Variants in C3orf52 observed in about 807,000 individuals in gnomAD.
C3orf52 encodes the protein TPA-induced transmembrane protein.
C3orf52 carries 22 observed loss-of-function variants against 24.8 expected under a neutral mutation model. The ratio of observed to expected loss-of-function variants is 0.89; its 90% CI spans 0.63 to 1.27. The LOEUF (loss-of-function observed/expected upper bound fraction) is 1.27. Among genes scored for constraint, C3orf52 ranks in the 50% most tolerant of loss-of-function variants. The pLI is 0.00. For missense variants in C3orf52, 265 were observed against 260.7 expected (o/e 1.02, Z -0.11); for synonymous variants, 93 against 100.2 (o/e 0.93, Z 0.43).
At chr3:112,091,837 T>A (rs2107774659) in intron 1 of C3orf52, among the ~76,000 whole-genome samples, 1 of 152,106 alleles carries the variant, frequency 6.6e-6, no homozygotes, top group East Asian at 1.9e-4. Context: ...ACCCCGTCTC[T>A]ACTAAATATA....
At chr3:112,099,242 G>A (rs1299821448) in intron 2 of C3orf52, among the ~76,000 whole-genome samples, 1 of 152,096 alleles carries the variant, frequency 6.6e-6, no homozygotes, top group Non-Finnish European at 1.5e-5. Flanking sequence ...CCCAGTCTCA[G>A]GTAGTTCTTT....
intron 4 of C3orf52, among the ~76,000 whole-genome samples, chr3:112,110,836 G>C (rs1254977203): frequency 1.3e-5 from 2 of 152,200 alleles, no homozygotes; most frequent in Non-Finnish European, 2.9e-5. Context: ...CAGGTGGTAG[G>C]TAGCACCATG....
downstream of C3orf52, among the ~76,000 whole-genome samples, chr3:112,132,306 G>T (rs2074475621): frequency 6.6e-6 from 1 of 152,036 alleles, no homozygotes; most frequent in Non-Finnish European, 1.5e-5. Flanking sequence ...TGAGACCAGG[G>T]ATTCCAAACA....
chr3:112,090,506 CAT>C (rs1044445198), intron 1 of C3orf52, among the ~76,000 whole-genome samples: 4 of 151,952 alleles, frequency 2.6e-5, no homozygotes, highest in African/African-American at 9.7e-5. Flanking sequence ...TTTATAATGA[CAT>C]AAAGTCTGTG....
At chr3:112,108,777 A>G (rs2074051037) in intron 3 of C3orf52, among the ~76,000 whole-genome samples, 1 of 152,216 alleles carries the variant, frequency 6.6e-6, no homozygotes, top group Non-Finnish European at 1.5e-5. Flanking sequence ...ATATTTTGTT[A>G]TGATTACATA....
downstream of C3orf52, among the ~76,000 whole-genome samples, chr3:112,119,082 G>C (rs538397072): frequency 6.6e-6 from 1 of 152,118 alleles, no homozygotes; most frequent in African/African-American, 2.4e-5. Context: ...AAAATACCCA[G>C]GGGTCAAAAA....
At chr3:112,110,010 G>A (rs1017641716) in intron 4 of C3orf52, among the ~76,000 whole-genome samples, 6 of 152,246 alleles carry the variant, frequency 3.9e-5, no homozygotes, top group Admixed American at 2.6e-4. Context: ...TAATACAGGA[G>A]TACATTCTCC....
At chr3:112,092,525 A>G (rs1298431677) in intron 1 of C3orf52, among the ~76,000 whole-genome samples, 1 of 152,204 alleles carries the variant, frequency 6.6e-6, no homozygotes, top group East Asian at 1.9e-4. Flanking sequence ...CAAAAGGGAA[A>G]GTTGGAGAGC....
intron 1 of C3orf52, among the ~76,000 whole-genome samples, chr3:112,092,599 G>C (rs1251470600): frequency 6.6e-6 from 1 of 152,214 alleles, no homozygotes; most frequent in Non-Finnish European, 1.5e-5. Flanking sequence ...CTTTGAAATG[G>C]ACTAGTGCAC....
chr3:112,100,818 A>G (rs1222062132), intron 2 of C3orf52, among the ~76,000 whole-genome samples: 1 of 152,208 alleles, frequency 6.6e-6, no homozygotes, highest in African/African-American at 2.4e-5. Context: ...TTTGCAAGGA[A>G]TTTTAAGCAC....
downstream of C3orf52, chr3:112,118,304 C>T (rs1331325689): frequency 6.6e-6 from 1 of 152,006 alleles, no homozygotes. Context: ...TTTCATTTCC[C>T]TTAGGGCAGC....
At chr3:112,100,603 T>C (rs894313528) in intron 2 of C3orf52, among the ~76,000 whole-genome samples, 2 of 152,188 alleles carry the variant, frequency 1.3e-5, no homozygotes, top group African/African-American at 4.8e-5. Flanking sequence ...TTAGCAGTTA[T>C]TTGAACCTTG....
At chr3:112,119,525 G>A (rs971368959), downstream of C3orf52, 4 of 702,772 alleles carry the variant, frequency 5.7e-6, no homozygotes, top group African/African-American at 7.0e-5. Flanking sequence ...AAGAAGATTT[G>A]CCTTCCTTTA....
chr3:112,107,290 A>C (rs1337443714), intron 3 of C3orf52, among the ~76,000 whole-genome samples: 1 of 152,194 alleles, frequency 6.6e-6, no homozygotes, highest in Admixed American at 6.5e-5. Flanking sequence ...CTCAATCCAA[A>C]AGGAAGAGAA....
At chr3:112,127,289 G>A (rs576307754) in intron 4 of C3orf52, among the ~76,000 whole-genome samples, 1 of 152,214 alleles carries the variant, frequency 6.6e-6, no homozygotes, top group East Asian at 1.9e-4. Context: ...ATTTATAGAT[G>A]GGGAAATATG....
At chr3:112,131,303 C>T (rs546437414), downstream of C3orf52, among the ~76,000 whole-genome samples, 1 of 152,270 alleles carries the variant, frequency 6.6e-6, no homozygotes, top group East Asian at 1.9e-4. Flanking sequence ...GAGCTCCTCT[C>T]ATGAAGGGAT....
Position 112,086,438 on chromosome 3 carries a change from G to A in C3orf52, c.31G>A (p.Asp11Asn). The A allele has an allele frequency of 1.3e-6, 2 of 1,551,144 alleles. No individual in the cohort carries two copies. Among genetic ancestry groups the A allele is most frequent in the Non-Finnish European group, 1.7e-6 (2 of 1,146,654 alleles). MDLAQPSQPV[D>N]ELELSVLERQ... The stretch of plus-strand genomic sequence containing the variant: ...CCTGGCCCAACCCTCACAGCCAGTA[G>A]ACGAGCTGGAGCTCTCGGTGCTCGA... Residue 11 changes from aspartate (D) to asparagine (N), a missense_variant, in exon 1 of 6, where the codon GAC becomes AAC. Physicochemically the swap from Asp to Asn is conservative, Grantham distance 23 (BLOSUM62 1). Coordinates refer to ENST00000264848, the MANE Select transcript of C3orf52 (RefSeq NM_024616.3).
At chr3:112,086,621 T>G (rs1211854942) in intron 1 of C3orf52, 76 bp downstream of exon 1, 1 of 1,491,558 alleles carries the variant, frequency 6.7e-7, no homozygotes, top group African/African-American at 1.4e-5. Context: ...CACCCGCGAG[T>G]TTCGGGTTTC....
At chr3:112,127,052 G>A (rs772549829) in intron 4 of C3orf52, 2 of 1,522,596 alleles carry the variant, frequency 1.3e-6, no homozygotes, top group Admixed American at 1.7e-5. Flanking sequence ...GAAAAGCAAA[G>A]CAAATTGTTT....
Sources: gnomAD v4.1 joint callset for allele counts (sites outside exome capture counted in the v4.1 genomes callset) on GRCh38, gnomAD v4.1.1 for gene constraint, MANE v1.5 for transcripts, NCBI Gene and HGNC (gene_info 2026-07-23, HGNC 2026-07-21) for gene names.